Variants in FGF12 observed in about 807,000 individuals in gnomAD.
The protein encoded by FGF12 is fibroblast growth factor 12B.
FGF12 carries 14 observed loss-of-function variants against 23.6 expected under a neutral mutation model. The observed-to-expected ratio is 0.59, with a 90% CI of 0.39 to 0.93. The LOEUF is 0.93. FGF12 is among the 40% of genes least tolerant of loss of function. The pLI is 0.00. For synonymous variants in FGF12, 62 were observed against 77.3 expected (o/e 0.80, Z 1.04); for missense variants, 175 against 217.8 (o/e 0.80, Z 1.24).
At chr3:192,163,828 A>AGTGTGTGTGTGAGTGTGT (rs1553845057) in intron 5 of FGF12, among the ~76,000 whole-genome samples, 3 of 149,370 alleles carry the variant, frequency 2.0e-5, no homozygotes, top group Non-Finnish European at 4.5e-5. Context: ...AGTGTGTGTG[A>AGTGTGTGTGTGAGTGTGT]GTGTGTGTGT....
At chr3:192,268,159 T>C (rs1025037317) in intron 4 of FGF12, among the ~76,000 whole-genome samples, 2 of 152,180 alleles carry the variant, frequency 1.3e-5, no homozygotes, top group Non-Finnish European at 2.9e-5. Context: ...CTATTTTCCT[T>C]GTCACTTTTG....
At chr3:192,725,672 T>C (rs1021850428) in intron 2 of FGF12, among the ~76,000 whole-genome samples, 3 of 152,206 alleles carry the variant, frequency 2.0e-5, no homozygotes, top group African/African-American at 4.8e-5. Context: ...CAAGAACCTT[T>C]GTCAAATAAC....
chr3:192,626,318 A>C (rs1715165968), intron 2 of FGF12, among the ~76,000 whole-genome samples: 1 of 152,126 alleles, frequency 6.6e-6, no homozygotes, highest in Admixed American at 6.5e-5. Flanking sequence ...AACAGTAAAT[A>C]TTTTTCAACG....
At chr3:192,725,082 A>C (rs1440229284) in intron 2 of FGF12, among the ~76,000 whole-genome samples, 2 of 152,226 alleles carry the variant, frequency 1.3e-5, no homozygotes, top group Non-Finnish European at 2.9e-5. Flanking sequence ...GTATTGCACA[A>C]ATACACATTT....
chr3:192,320,252 CAT>C (rs1716464745), intron 4 of FGF12, among the ~76,000 whole-genome samples: 1 of 151,974 alleles, frequency 6.6e-6, no homozygotes, highest in Non-Finnish European at 1.5e-5. Context: ...ACAAAAAAAT[CAT>C]ATAATGATAA....
intron 2 of FGF12, among the ~76,000 whole-genome samples, chr3:192,412,792 C>T (rs927909573): frequency 2.6e-5 from 4 of 152,172 alleles, no homozygotes; most frequent in African/African-American, 7.2e-5. Context: ...CACAGTTACT[C>T]GTACATTTCC....
intron 3 of FGF12, among the ~76,000 whole-genome samples, chr3:192,357,642 A>T (rs1718537627): frequency 6.6e-6 from 1 of 152,118 alleles, no homozygotes; most frequent in Non-Finnish European, 1.5e-5. Context: ...TTCATCATTC[A>T]CTTTGTATTG....
At chr3:192,607,704 A>G (rs930874893) in intron 2 of FGF12, among the ~76,000 whole-genome samples, 1 of 152,078 alleles carries the variant, frequency 6.6e-6, no homozygotes, top group African/African-American at 2.4e-5. Flanking sequence ...ATTTTATTTA[A>G]GCTCCCCATG....
chr3:192,184,669 G>C (rs1403042), intron 4 of FGF12, among the ~76,000 whole-genome samples: 12,963 of 152,254 alleles, frequency 0.085, 676 homozygotes, highest in South Asian at 0.23. Context: ...GAGTTCATTT[G>C]TGATTCAGAA....
chr3:192,308,904 A>C (rs924093987), intron 4 of FGF12, among the ~76,000 whole-genome samples: 4 of 152,242 alleles, frequency 2.6e-5, no homozygotes, highest in African/African-American at 4.8e-5. Context: ...TTGAAAAATT[A>C]GTTCAAGGTC....
intron 4 of FGF12, among the ~76,000 whole-genome samples, chr3:192,190,271 A>G (rs1238317726): frequency 6.6e-6 from 1 of 152,100 alleles, no homozygotes; most frequent in Non-Finnish European, 1.5e-5. Flanking sequence ...AACTAGTATG[A>G]AGTTTTATGT....
intron 2 of FGF12, among the ~76,000 whole-genome samples, chr3:192,553,650 T>C (rs543220814): frequency 1.8e-4 from 28 of 152,228 alleles, no homozygotes; most frequent in Non-Finnish European, 2.8e-4. Flanking sequence ...GCCAAATGCA[T>C]TGAAACCAGT....
In FGF12 at chr3:192,408,459, C is replaced by T; in HGVS notation, c.14-47921G>A. ...GTAAACTTCCCCAACCTCTGGCGGC[C>T]GGGGGGCGGGGCGGGGCGGTCCCAG... is the stretch of plus-strand genomic sequence containing the variant. On this transcript the variant is annotated intron_variant, in intron 2 of 5. Coordinates refer to ENST00000445105, the MANE Select transcript of FGF12 (RefSeq NM_004113.6). This position sits in a 1 kb window ranked among gnomAD's most constrained non-coding sequence, Gnocchi z 7.3. 1 of 1,352,908 alleles carries T rather than the reference C, an allele frequency of 7.4e-7. No homozygotes were observed. The highest frequency in any genetic ancestry group is 9.5e-7 in the Non-Finnish European group (1 of 1,057,342). The allele number at this position is 1,352,908 out of a possible 1,614,324, so 83.8% of individuals were successfully genotyped here.
In FGF12 at chr3:192,419,295, G is replaced by A. The variant is rs115773133; in HGVS notation, c.14-58757C>T. Among the ~76,000 whole-genome samples, 1,047 of 152,232 alleles carry A rather than the reference G, an allele frequency of 6.9e-3. 15 individuals carry two copies. Among genetic ancestry groups the A allele is most frequent in the African/African-American group, 0.023 (940 of 41,536 alleles). ...GCATCCCTGCTGTTTGTTCCTTGTT[G>A]ATCATGACCCCATTTGAAATACTAG... On this transcript the variant is annotated intron_variant, in intron 2 of 5. Coordinates refer to ENST00000445105, the MANE Select transcript of FGF12 (RefSeq NM_004113.6).
intron 2 of FGF12, among the ~76,000 whole-genome samples, chr3:192,460,732 T>G (rs996594511): frequency 1.9e-4 from 29 of 151,096 alleles, no homozygotes; most frequent in African/African-American, 6.8e-4. Context: ...TGCATTTAGA[T>G]AGTGCCTTAC....
At chr3:192,667,282 G>GA (rs1434958942) in intron 2 of FGF12, among the ~76,000 whole-genome samples, 1 of 152,028 alleles carries the variant, frequency 6.6e-6, no homozygotes, top group Non-Finnish European at 1.5e-5. Context: ...GGCTTCACAG[G>GA]AAAAAACCCA....
chr3:192,702,120 C>T (rs1162700494), intron 2 of FGF12, among the ~76,000 whole-genome samples: 1 of 152,192 alleles, frequency 6.6e-6, no homozygotes, highest in Non-Finnish European at 1.5e-5. Context: ...ATCATGCATA[C>T]TTTCCTTTCT....
chr3:192,525,455 A>G (rs972211487), intron 2 of FGF12, among the ~76,000 whole-genome samples: 5 of 152,190 alleles, frequency 3.3e-5, no homozygotes, highest in African/African-American at 1.2e-4. Context: ...AGAGAGTATT[A>G]CAGATACTAT....
intron 4 of FGF12, among the ~76,000 whole-genome samples, chr3:192,278,955 G>A (rs1713970118): frequency 6.6e-6 from 1 of 152,024 alleles, no homozygotes; most frequent in Admixed American, 6.6e-5. Flanking sequence ...ATTTTTGGTG[G>A]CCTTCCTGCA....
Sources: gnomAD v4.1 joint callset for allele counts (sites outside exome capture counted in the v4.1 genomes callset) on GRCh38, gnomAD v4.1.1 for gene constraint, Gnocchi (gnomAD v3.1) non-coding constraint, MANE v1.5 for transcripts, NCBI Gene and HGNC (gene_info 2026-07-23, HGNC 2026-07-21) for gene names.